EYS: variants seen among roughly 807,000 people sequenced by gnomAD.
The protein encoded by EYS is EGF-like photoreceptor maintenance factor.
In EYS, 250 loss-of-function variants were observed where a neutral mutation model predicts 282.1. That is an observed-to-expected ratio of 0.89 (90% CI 0.80 to 0.98). The LOEUF is 0.98. EYS is among the 50% of genes least tolerant of loss of function. EYS has a pLI of 0.00. For missense variants in EYS, 4,016 were observed against 3,709.0 expected (o/e 1.08, Z -2.15); for synonymous variants, 1,355 against 1,282.9 (o/e 1.06, Z -1.20).
intron 2 of EYS, among the ~76,000 whole-genome samples, chr6:65,573,124 A>G (rs1038108025): frequency 6.6e-6 from 1 of 152,156 alleles, no homozygotes; most frequent in Admixed American, 6.5e-5. Flanking sequence ...AAGATTGCGG[A>G]GTGGGCATAG....
chr6:64,751,646 A>G (rs1256225995), intron 22 of EYS, among the ~76,000 whole-genome samples: 1 of 152,192 alleles, frequency 6.6e-6, no homozygotes, highest in Non-Finnish European at 1.5e-5. Flanking sequence ...TCATATACCC[A>G]TCTCTTTCAG....
rs1562154413 is a variant in EYS, at chr6:65,402,461, CAG to C, written c.1184+15_1184+16del. ...CCATGTACTTTGTATTAAAAATAAA[CAG>C]AAAATTAATTATACCTGCAAGGATA... On this transcript the variant is annotated intron_variant, in intron 7 of 42. Transcript: ENST00000503581. 3 of 1,446,082 alleles carry C rather than the reference CAG, an allele frequency of 2.1e-6. No individual in the cohort carries two copies. Among genetic ancestry groups the C allele is most frequent in the Non-Finnish European group, 2.9e-6 (3 of 1,030,136 alleles). The allele number at this position is 1,446,082 out of a possible 1,614,324, so 89.6% of individuals were successfully genotyped here. A position where few individuals can be genotyped will look rare whatever the true frequency, so the allele number is the denominator to read the frequency against.
intron 16 of EYS, among the ~76,000 whole-genome samples, chr6:64,904,941 T>C (rs1767778178): frequency 6.6e-6 from 1 of 152,188 alleles, no homozygotes; most frequent in Non-Finnish European, 1.5e-5. Flanking sequence ...GGAGAAAACA[T>C]AACATGTGGA....
chr6:64,582,853 T>G (rs560005932), intron 26 of EYS, among the ~76,000 whole-genome samples: 41 of 152,168 alleles, frequency 2.7e-4, no homozygotes, highest in East Asian at 2.3e-3. Flanking sequence ...GGCTTTCATT[T>G]GTTAGGAAGG....
At chr6:64,609,076 T>C (rs533440161) in intron 24 of EYS, among the ~76,000 whole-genome samples, 10 of 152,294 alleles carry the variant, frequency 6.6e-5, no homozygotes, top group African/African-American at 2.4e-4. Flanking sequence ...GTAATATAGA[T>C]TTATTGATTG....
At chr6:64,812,577 AAAT>A (rs1764630487) in intron 22 of EYS, among the ~76,000 whole-genome samples, 1 of 152,034 alleles carries the variant, frequency 6.6e-6, no homozygotes, top group African/African-American at 2.4e-5. Context: ...TCTTAAAAAG[AAAT>A]AATAAAATAT....
chr6:64,247,968 A>G (rs1767070189), intron 30 of EYS, among the ~76,000 whole-genome samples: 1 of 152,170 alleles, frequency 6.6e-6, no homozygotes, highest in South Asian at 2.1e-4. Context: ...AAGATATTTG[A>G]CATTAGCAGA....
chr6:65,331,850 C>T, intron 11 of EYS: 2 of 416,348 alleles, frequency 4.8e-6, no homozygotes, highest in Non-Finnish European at 6.4e-6. Flanking sequence ...TTGTCTATTG[C>T]TGAATAACAT....
intron 26 of EYS, among the ~76,000 whole-genome samples, chr6:64,481,893 G>A (rs969700617): frequency 1.1e-4 from 17 of 151,622 alleles, no homozygotes; most frequent in African/African-American, 3.9e-4. Context: ...ATTTAAGTGT[G>A]ATTTAATGTT....
chr6:64,199,523 A>G (rs1765397994), intron 31 of EYS, among the ~76,000 whole-genome samples: 1 of 152,218 alleles, frequency 6.6e-6, no homozygotes, highest in Non-Finnish European at 1.5e-5. Flanking sequence ...ATGGGCAAAG[A>G]CTTCATGACT....
chr6:64,741,650 T>C (rs1015544343), intron 22 of EYS, among the ~76,000 whole-genome samples: 8 of 152,250 alleles, frequency 5.3e-5, no homozygotes, highest in Non-Finnish European at 1.0e-4. Flanking sequence ...TCTAGATAAC[T>C]TTCTGCAACT....
At chr6:64,727,117 T>G (rs952569380) in intron 22 of EYS, among the ~76,000 whole-genome samples, 1 of 152,186 alleles carries the variant, frequency 6.6e-6, no homozygotes, top group Non-Finnish European at 1.5e-5. Flanking sequence ...ATATAATTTT[T>G]AATTGCCAAC....
rs145681073 is a variant in EYS at position 65,353,500 on chromosome 6, C to T, written c.1417G>A (p.Gly473Ser). The change falls in exon 9 of 43, where the codon GGT (glycine) becomes AGT (serine). Residue 473 changes from glycine to serine, a missense_variant. Coordinates refer to ENST00000503581, the MANE Select transcript of EYS (RefSeq NM_001142800.2). ...CACACATATTCAAATTGAGCAGGAC[C>T]TTTATCTTGGCAAATACCATGGAAG... ...VTFHGICQDK[G>S]PAQFEYVWQL... 3.1e-6 allele frequency: 5 copies of T among 1,613,074 alleles called. No individual in the cohort carries two copies. Among genetic ancestry groups the T allele is most frequent in the East Asian group, 2.2e-5 (1 of 44,702 alleles).
intron 14 of EYS, among the ~76,000 whole-genome samples, chr6:64,989,553 T>C (rs2150121568): frequency 7.2e-6 from 1 of 138,544 alleles, no homozygotes; most frequent in East Asian, 2.0e-4. Context: ...ATATATCATA[T>C]ATTTTATATT....
At chr6:64,896,029 A>T (rs1341892602) in intron 18 of EYS, among the ~76,000 whole-genome samples, 3 of 152,142 alleles carry the variant, frequency 2.0e-5, no homozygotes, top group Admixed American at 6.5e-5. Context: ...GTCTATTTCA[A>T]TCAGAACTTA....
At chr6:64,986,214 C>T (rs1451268862) in intron 14 of EYS, among the ~76,000 whole-genome samples, 3 of 151,306 alleles carry the variant, frequency 2.0e-5, no homozygotes, top group African/African-American at 7.3e-5. Context: ...AAAAGAAAAA[C>T]TTTTATCAGA....
intron 33 of EYS, among the ~76,000 whole-genome samples, chr6:64,045,041 G>A (rs1770555802): frequency 6.6e-6 from 1 of 152,064 alleles, no homozygotes; most frequent in Admixed American, 6.6e-5. Context: ...CAGTGGAAAA[G>A]GAAAAGTAAG....
chr6:63,956,997 T>C (rs1005110594), intron 35 of EYS, among the ~76,000 whole-genome samples: 4 of 152,216 alleles, frequency 2.6e-5, no homozygotes, highest in Non-Finnish European at 5.9e-5. Flanking sequence ...CTTTAGCATT[T>C]TCTGGAGTGT....
At position 64,876,249 on chromosome 6, in the gene EYS, T is replaced by C. The variant is rs149547036; in HGVS notation, c.2992+10448A>G. On this transcript the variant is annotated intron_variant, in intron 19 of 42. Coordinates refer to ENST00000503581, the MANE Select transcript of EYS (RefSeq NM_001142800.2). ...GGGTTGTAAAAAATTATCTAGATTG[T>C]TTGCCACAGTTTCAAAAAGTCAGCA... 9.9e-4 allele frequency among the ~76,000 whole-genome samples: 150 copies of C among 152,196 alleles called. No homozygotes were observed. The Middle Eastern group carries it at 0.01, about 10-fold the overall frequency.
Sources: allele counts gnomAD v4.1 joint callset (sites outside exome capture counted in the v4.1 genomes callset), GRCh38; gene constraint gnomAD v4.1.1; transcripts MANE v1.5; gene names NCBI Gene and HGNC (gene_info 2026-07-23, HGNC 2026-07-21).